PLCB4: variants seen among roughly 807,000 people sequenced by gnomAD.
The protein encoded by PLCB4 is phospholipase C beta 4.
Under a neutral mutation model 178.8 loss-of-function variants are expected in PLCB4, and 77 were observed. The observed-to-expected ratio is 0.43, with a 90% CI of 0.36 to 0.52. The LOEUF is 0.52. Among genes scored for constraint, PLCB4 ranks in the 20% least tolerant of loss-of-function variants. The probability of loss-of-function intolerance (pLI) is 0.00; values close to 1 mark genes in which losing one functional copy is unlikely to be tolerated. For missense variants in PLCB4, 1,024 were observed against 1,453.4 expected, an observed-to-expected ratio of 0.70 and a Z score of 4.80; for synonymous variants, 496 against 490.8, an observed-to-expected ratio of 1.01 and a Z score of -0.14.
chr20:9,154,843 C>T (rs1344386217), intron 2 of PLCB4, among the ~76,000 whole-genome samples: 2 of 144,392 alleles, frequency 1.4e-5, no homozygotes, highest in Non-Finnish European at 3.0e-5. Context: ...TTCTTTCCTT[C>T]CTTTTTCCCT....
chr20:9,471,575 A>C (rs1328765132), intron 36 of PLCB4, among the ~76,000 whole-genome samples: 1 of 152,212 alleles, frequency 6.6e-6, no homozygotes, highest in African/African-American at 2.4e-5. Flanking sequence ...AAACTGACTG[A>C]AAATGGAGAA....
intron 7 of PLCB4, among the ~76,000 whole-genome samples, chr20:9,355,298 A>G (rs530620185): frequency 6.6e-6 from 1 of 151,834 alleles, no homozygotes; most frequent in African/African-American, 2.4e-5. Flanking sequence ...ATTTTGTATT[A>G]TTATTATTAT....
At chr20:9,158,261 A>C (rs1457781522) in intron 2 of PLCB4, among the ~76,000 whole-genome samples, 2 of 151,776 alleles carry the variant, frequency 1.3e-5, no homozygotes, top group African/African-American at 2.4e-5. Flanking sequence ...ATTATTATTT[A>C]ATGTTTCTCA....
chr20:9,202,499 A>G (rs183471153), intron 2 of PLCB4, among the ~76,000 whole-genome samples: 72 of 152,180 alleles, frequency 4.7e-4, no homozygotes, highest in Non-Finnish European at 8.4e-4. Context: ...ATTTTATTTT[A>G]CTTTAGTTGC....
intron 3 of PLCB4, among the ~76,000 whole-genome samples, chr20:9,274,227 T>G (rs111736489): frequency 1.3e-5 from 2 of 152,262 alleles, no homozygotes; most frequent in African/African-American, 4.8e-5. Flanking sequence ...GAAACAGATG[T>G]ACCTGATTTT....
chr20:9,212,237 G>T (rs1052127262), intron 2 of PLCB4, among the ~76,000 whole-genome samples: 1 of 152,206 alleles, frequency 6.6e-6, no homozygotes, highest in East Asian at 1.9e-4. Flanking sequence ...AGTCTTTGTT[G>T]TACTGCACAA....
intron 3 of PLCB4, among the ~76,000 whole-genome samples, chr20:9,249,128 T>C (rs1234536585): frequency 6.6e-6 from 1 of 152,220 alleles, no homozygotes; most frequent in Non-Finnish European, 1.5e-5. Context: ...CCTTTGTGAT[T>C]CCATTGAGTC....
intron 30 of PLCB4, among the ~76,000 whole-genome samples, chr20:9,440,089 G>C (rs117342254): frequency 6.1e-4 from 93 of 152,264 alleles, no homozygotes; most frequent in Non-Finnish European, 1.1e-3. Context: ...AGCTTAGCCT[G>C]GGCTTGTTCA....
chr20:9,238,603 GTCTGTGATTT>G (rs752148145), intron 3 of PLCB4, among the ~76,000 whole-genome samples: 94 of 152,278 alleles, frequency 6.2e-4, no homozygotes, highest in Middle Eastern at 6.8e-3. Flanking sequence ...CAATACCTGT[GTCTGTGATTT>G]TCCAGAGCAT....
chr20:9,126,315 A>G (rs895124873), intron 2 of PLCB4, among the ~76,000 whole-genome samples: 1 of 152,188 alleles, frequency 6.6e-6, no homozygotes, highest in African/African-American at 2.4e-5. Context: ...CCTAGAATAA[A>G]TTCCTAGTAG....
chr20:9,263,141 A>C (rs566475936), intron 3 of PLCB4, among the ~76,000 whole-genome samples: 2 of 152,306 alleles, frequency 1.3e-5, no homozygotes, highest in Non-Finnish European at 2.9e-5. Flanking sequence ...TGATCGGCTC[A>C]TGTGCTCAGC....
At chr20:9,234,233 C>G (rs758858402) in intron 3 of PLCB4, among the ~76,000 whole-genome samples, 7 of 152,088 alleles carry the variant, frequency 4.6e-5, no homozygotes, top group Admixed American at 2.0e-4. Context: ...AAATGTTCTG[C>G]TTTAAACTTT....
chr20:9,398,786 G>A (rs1323699570), intron 19 of PLCB4, among the ~76,000 whole-genome samples: 1 of 151,812 alleles, frequency 6.6e-6, no homozygotes, highest in Non-Finnish European at 1.5e-5. Flanking sequence ...TGCAAGCTCT[G>A]CCTCTGAAAT....
At chr20:9,260,820 T>C (rs759324380) in intron 3 of PLCB4, among the ~76,000 whole-genome samples, 25 of 152,062 alleles carry the variant, frequency 1.6e-4, no homozygotes, top group Non-Finnish European at 3.1e-4. Flanking sequence ...CAAGTAAAAA[T>C]CCCTTAAAGA....
chr20:9,222,208 A>G (rs1013062054), intron 3 of PLCB4, among the ~76,000 whole-genome samples: 11 of 150,998 alleles, frequency 7.3e-5, no homozygotes, highest in African/African-American at 2.7e-4. Context: ...TCCTGCCTCA[A>G]CCTCCTAAGA....
chr20:9,159,751 A>G (rs2092853585), intron 2 of PLCB4, among the ~76,000 whole-genome samples: 1 of 152,224 alleles, frequency 6.6e-6, no homozygotes, highest in Non-Finnish European at 1.5e-5. Context: ...TTACAGACAT[A>G]AAGATGGTGA....
chr20:9,120,353 C>G (rs1029910904), intron 2 of PLCB4, among the ~76,000 whole-genome samples: 5 of 152,108 alleles, frequency 3.3e-5, no homozygotes, highest in African/African-American at 1.2e-4. Context: ...TCTCAAACTC[C>G]TGAACTCAAG....
intron 2 of PLCB4, among the ~76,000 whole-genome samples, chr20:9,112,513 C>A (rs1245782914): frequency 6.6e-6 from 1 of 152,044 alleles, no homozygotes; most frequent in Non-Finnish European, 1.5e-5. Flanking sequence ...TTCGACCTCC[C>A]AAAGTGCTGG....
chr20:9,388,163 G>A (rs2037836098), intron 15 of PLCB4, among the ~76,000 whole-genome samples: 1 of 152,070 alleles, frequency 6.6e-6, no homozygotes. Flanking sequence ...GCTTGAACCC[G>A]AGAGGTGGAG....
Sources: allele counts gnomAD v4.1 joint callset (sites outside exome capture counted in the v4.1 genomes callset), GRCh38; gene constraint gnomAD v4.1.1; transcripts MANE v1.5; gene names NCBI Gene and HGNC (gene_info 2026-07-23, HGNC 2026-07-21).